The following SHANK2 variants were observed in gnomAD, a reference collection of about 807,000 sequenced individuals.
SHANK2 encodes SH3 and multiple ankyrin repeat domains protein 2.
A neutral mutation model predicts 133.7 loss-of-function variants in SHANK2; 43 were observed. That is an observed-to-expected ratio of 0.32 (90% CI 0.25 to 0.41). The LOEUF is 0.41. Among genes scored for constraint, SHANK2 ranks in the 10% least tolerant of loss-of-function variants. The pLI is 1.00. For missense variants in SHANK2, 1,994 were observed against 2,235.8 expected (o/e 0.89, Z 2.18); for synonymous variants, 1,017 against 952.8 (o/e 1.07, Z -1.24).
rs1410646909 is a variant in SHANK2 at position 70,468,327 on chromosome 11, A to G, written c.*4542T>C. 1 of 152,224 alleles carries G rather than the reference A, an allele frequency of 6.6e-6. No individual in the cohort carries two copies. The highest frequency in any genetic ancestry group is 1.5e-5 in the Non-Finnish European group (1 of 68,046). 9.4% of individuals were successfully genotyped at this position (152,224 alleles called of 1,614,324 possible). ...ACAAGTTACAGGAACGATAAACAAAATCACCAATACAGCATGGATTAGAAA... is the reference window on the plus strand; with the variant it reads ...ACAAGTTACAGGAACGATAAACAAAGTCACCAATACAGCATGGATTAGAAA... On this transcript the variant is annotated 3_prime_UTR_variant, in exon 26 of 26. Coordinates refer to ENST00000601538, the MANE Select transcript of SHANK2 (RefSeq NM_012309.5).
intron 1 of SHANK2, among the ~76,000 whole-genome samples, chr11:71,232,487 C>T (rs1469896201): frequency 1.3e-5 from 2 of 152,226 alleles, no homozygotes; most frequent in East Asian, 3.9e-4. Context: ...TATTCTCCCA[C>T]CTCTGCCGCC....
intron 17 of SHANK2, among the ~76,000 whole-genome samples, chr11:70,650,393 T>C (rs1002926228): frequency 6.6e-6 from 1 of 152,160 alleles, no homozygotes; most frequent in Admixed American, 6.5e-5. Flanking sequence ...GAGGGCTTTC[T>C]CCAGACTCCT....
intron 3 of SHANK2, among the ~76,000 whole-genome samples, chr11:71,130,484 A>G (rs1952280553): frequency 6.6e-6 from 1 of 152,164 alleles, no homozygotes. Context: ...ATGACGGGTG[A>G]TTTTGGAAGA....
chr11:71,213,171 GA>G (rs1198680055), intron 2 of SHANK2, among the ~76,000 whole-genome samples: 4 of 152,078 alleles, frequency 2.6e-5, no homozygotes, highest in Non-Finnish European at 5.9e-5. Context: ...GGTGGAAAAG[GA>G]GAATCTTCCC....
At chr11:70,674,846 C>T (rs899997474) in intron 15 of SHANK2, among the ~76,000 whole-genome samples, 1 of 152,244 alleles carries the variant, frequency 6.6e-6, no homozygotes, top group Non-Finnish European at 1.5e-5. Flanking sequence ...TTTACAAAAA[C>T]AGGCAATGGG....
chr11:70,908,671 G>A (rs142865011), intron 10 of SHANK2, among the ~76,000 whole-genome samples: 1 of 152,314 alleles, frequency 6.6e-6, no homozygotes, highest in East Asian at 1.9e-4. Flanking sequence ...ACATTGGCAA[G>A]TTACCTCCCA....
chr11:70,587,628 A>G (rs2060270977), intron 17 of SHANK2, among the ~76,000 whole-genome samples: 1 of 149,772 alleles, frequency 6.7e-6, no homozygotes, highest in Non-Finnish European at 1.5e-5. Context: ...CCCTTGCTTT[A>G]TTGTGCTTTG....
intron 20 of SHANK2, among the ~76,000 whole-genome samples, chr11:70,501,642 C>A (rs926319741): frequency 6.6e-6 from 1 of 152,244 alleles, no homozygotes; most frequent in African/African-American, 2.4e-5. Context: ...AGTCGCCCTT[C>A]CCCTGCCTAC....
chr11:71,252,845 C>T (rs1948210471), upstream of SHANK2, among the ~76,000 whole-genome samples: 1 of 152,152 alleles, frequency 6.6e-6, no homozygotes, highest in South Asian at 2.1e-4. This position sits in a 1 kb window ranked among gnomAD's most constrained non-coding sequence, Gnocchi z 6.3. Context: ...CTGCGTGGCT[C>T]ACGGACCTCC....
Position 71,208,008 on chromosome 11 carries a change from G to T in SHANK2, c.-13+16689C>A, listed in dbSNP as rs545203446. On this transcript the variant is annotated intron_variant, in intron 2 of 25. Transcript: ENST00000601538. ...GGTGTCCGAGAGGTATACTGGGTTT[G>T]GCAGTCTGAGGGCTCCCAAGAAAAG... 1.5e-4 allele frequency among the ~76,000 whole-genome samples: 23 copies of T among 152,182 alleles called. No individual in the cohort carries two copies. The East Asian group carries it at 4.3e-3, about 28-fold the overall frequency.
At chr11:70,936,528 G>A (rs1950573223) in intron 10 of SHANK2, among the ~76,000 whole-genome samples, 1 of 152,042 alleles carries the variant, frequency 6.6e-6, no homozygotes, top group Non-Finnish European at 1.5e-5. Context: ...ATAAAAAAGA[G>A]AGAATTATAT....
chr11:70,707,101 G>T (rs782024648), intron 14 of SHANK2, among the ~76,000 whole-genome samples: 2 of 152,146 alleles, frequency 1.3e-5, no homozygotes, highest in Admixed American at 6.5e-5. Context: ...GCAAGGTGTG[G>T]TGGCTCACAC....
chr11:71,201,324 T>C (rs1383550153), intron 2 of SHANK2, among the ~76,000 whole-genome samples: 1 of 152,250 alleles, frequency 6.6e-6, no homozygotes, highest in Admixed American at 6.5e-5. Context: ...ATGGGATCCG[T>C]TGTGATCCCG....
At chr11:70,893,355 T>A (rs1565388784) in intron 11 of SHANK2, among the ~76,000 whole-genome samples, 1 of 152,360 alleles carries the variant, frequency 6.6e-6, no homozygotes, top group East Asian at 1.9e-4. Context: ...ACCTGGCCCC[T>A]GCCAGAGGGG....
At chr11:71,203,779 C>A (rs1954068592) in intron 2 of SHANK2, among the ~76,000 whole-genome samples, 2 of 152,102 alleles carry the variant, frequency 1.3e-5, no homozygotes, top group African/African-American at 4.8e-5. Flanking sequence ...ATGGTAGCAG[C>A]GTGACCTCTC....
intron 25 of SHANK2, among the ~76,000 whole-genome samples, chr11:70,481,195 T>C (rs1555151460): frequency 6.6e-6 from 1 of 152,230 alleles, no homozygotes; most frequent in Non-Finnish European, 1.5e-5. Context: ...ATGCCTCTAA[T>C]ATGATGTACT....
chr11:70,910,013 C>A (rs1950166254), intron 10 of SHANK2, among the ~76,000 whole-genome samples: 1 of 152,168 alleles, frequency 6.6e-6, no homozygotes, highest in African/African-American at 2.4e-5. Flanking sequence ...TTGGCTTGCA[C>A]TGGGCCGCCT....
intron 14 of SHANK2, among the ~76,000 whole-genome samples, chr11:70,754,525 G>A (rs1199512745): frequency 6.6e-6 from 1 of 152,198 alleles, no homozygotes; most frequent in Non-Finnish European, 1.5e-5. Flanking sequence ...AGCAACTGGT[G>A]CAGAAAAAGC....
intron 2 of SHANK2, among the ~76,000 whole-genome samples, chr11:71,220,287 C>G (rs1954509102): frequency 6.6e-6 from 1 of 152,072 alleles, no homozygotes; most frequent in South Asian, 2.1e-4. Flanking sequence ...CGAGTGTTGG[C>G]AAGGATGTGG....
Sources: allele counts gnomAD v4.1 joint callset (sites outside exome capture counted in the v4.1 genomes callset), GRCh38; gene constraint gnomAD v4.1.1; non-coding constraint Gnocchi (gnomAD v3.1); transcripts MANE v1.5; gene names NCBI Gene and HGNC (gene_info 2026-07-23, HGNC 2026-07-21).